FGF14: variants seen among roughly 807,000 people sequenced by gnomAD.
FGF14 encodes the protein fibroblast growth factor 14, also known as fibroblast growth factor homologous factor 4.
Under a neutral mutation model 25.5 loss-of-function variants are expected in FGF14, and 5 were observed. That is an observed-to-expected ratio of 0.20 (90% CI 0.10 to 0.41). The LOEUF is 0.41. Among genes scored for constraint, FGF14 ranks in the 10% least tolerant of loss-of-function variants. The pLI is 1.00. For synonymous variants in FGF14, 138 were observed against 118.3 expected, an observed-to-expected ratio of 1.17 and a Z score of -1.08; for missense variants, 222 against 320.1, an observed-to-expected ratio of 0.69 and a Z score of 2.34.
chr13:102,246,580 T>C (rs1327486126), intron 1 of FGF14, among the ~76,000 whole-genome samples: 1 of 151,932 alleles, frequency 6.6e-6, no homozygotes, highest in African/African-American at 2.4e-5. Context: ...TATATCCAGG[T>C]TTGTTAGGCA....
At chr13:101,767,692 G>A (rs1332984249) in intron 3 of FGF14, among the ~76,000 whole-genome samples, 1 of 152,154 alleles carries the variant, frequency 6.6e-6, no homozygotes, top group Non-Finnish European at 1.5e-5. Context: ...TTTTGGAGTA[G>A]AGGGAGTAGT....
chr13:102,199,353 T>C (rs2049508615), intron 1 of FGF14, among the ~76,000 whole-genome samples: 1 of 152,210 alleles, frequency 6.6e-6, no homozygotes, highest in African/African-American at 2.4e-5. Flanking sequence ...CTAGGATAAC[T>C]AGCTAACATT....
At chr13:102,012,187 T>C (rs1211571481) in intron 1 of FGF14, among the ~76,000 whole-genome samples, 3 of 151,734 alleles carry the variant, frequency 2.0e-5, no homozygotes, top group African/African-American at 2.4e-5. Context: ...CTTGTGGAAA[T>C]GGACAGAAGA....
intron 1 of FGF14, among the ~76,000 whole-genome samples, chr13:102,326,627 G>T (rs535336561): frequency 4.6e-4 from 62 of 135,098 alleles, no homozygotes; most frequent in African/African-American, 1.6e-3. Flanking sequence ...GAGGGAAGGA[G>T]GGAAAGGGAG....
intron 1 of FGF14, among the ~76,000 whole-genome samples, chr13:102,006,537 T>C (rs1290451015): frequency 7.0e-6 from 1 of 142,840 alleles, no homozygotes; most frequent in African/African-American, 3.0e-5. Context: ...CATAGAAGTT[T>C]TGTAGAAACT....
At chr13:102,072,322 T>C (rs947236087) in intron 1 of FGF14, among the ~76,000 whole-genome samples, 1 of 152,148 alleles carries the variant, frequency 6.6e-6, no homozygotes, top group Non-Finnish European at 1.5e-5. Context: ...AGAAGTTATT[T>C]AAAATCAATA....
chr13:102,060,869 T>TA (rs1330196520), intron 1 of FGF14, among the ~76,000 whole-genome samples: 1 of 151,970 alleles, frequency 6.6e-6, no homozygotes, highest in Non-Finnish European at 1.5e-5. Context: ...ATTCTGTGTC[T>TA]AAAAAAACCC....
chr13:102,125,433 G>A (rs1434243364), intron 1 of FGF14, among the ~76,000 whole-genome samples: 1 of 152,072 alleles, frequency 6.6e-6, no homozygotes, highest in Non-Finnish European at 1.5e-5. Flanking sequence ...TAGAATCATA[G>A]AGCCAATTCT....
intron 3 of FGF14, among the ~76,000 whole-genome samples, chr13:101,861,546 C>T (rs1003890620): frequency 2.1e-5 from 3 of 140,328 alleles, no homozygotes; most frequent in African/African-American, 8.6e-5. Context: ...GTTGCAGACA[C>T]TAGTGTCTGC....
intron 1 of FGF14, among the ~76,000 whole-genome samples, chr13:102,158,433 C>T (rs1368899523): frequency 6.6e-6 from 1 of 151,130 alleles, no homozygotes; most frequent in Admixed American, 6.6e-5. Flanking sequence ...AAAAACCAAA[C>T]ACCATATGTT....
intron 3 of FGF14, among the ~76,000 whole-genome samples, chr13:101,747,536 A>G (rs1315636615): frequency 6.6e-6 from 1 of 152,064 alleles, no homozygotes; most frequent in Non-Finnish European, 1.5e-5. Context: ...GGACACTTAC[A>G]TGAGGCTGAT....
intron 1 of FGF14, among the ~76,000 whole-genome samples, chr13:101,951,393 T>C (rs900911340): frequency 6.6e-6 from 1 of 152,104 alleles, no homozygotes; most frequent in African/African-American, 2.4e-5. Context: ...AATAATTTAA[T>C]CCCTTTATTT....
chr13:102,375,657 T>C (rs890638850), intron 1 of FGF14, among the ~76,000 whole-genome samples: 6 of 152,184 alleles, frequency 3.9e-5, no homozygotes, highest in African/African-American at 1.4e-4. Flanking sequence ...GGTTATATCT[T>C]CCAAATTCCA....
chr13:101,776,904 C>A (rs773665627), intron 3 of FGF14, among the ~76,000 whole-genome samples: 4 of 152,294 alleles, frequency 2.6e-5, no homozygotes, highest in East Asian at 1.9e-4. Flanking sequence ...TCAATGCCTT[C>A]TTTTTGTGTC....
intron 1 of FGF14, among the ~76,000 whole-genome samples, chr13:102,001,929 C>T (rs1274089283): frequency 2.0e-5 from 3 of 150,950 alleles, no homozygotes; most frequent in Non-Finnish European, 3.0e-5. Context: ...GGCCAGGTCC[C>T]ACATCTACAC....
intron 1 of FGF14, among the ~76,000 whole-genome samples, chr13:102,118,250 A>G (rs1173704282): frequency 2.6e-5 from 4 of 152,034 alleles, no homozygotes; most frequent in Admixed American, 6.6e-5. Flanking sequence ...CATTGTAGTT[A>G]TATACGTATG....
intron 1 of FGF14, among the ~76,000 whole-genome samples, chr13:101,934,948 A>G (rs139680268): frequency 1.1e-4 from 16 of 152,296 alleles, no homozygotes; most frequent in African/African-American, 3.8e-4. Context: ...TGTATAATAC[A>G]GTGTTGTTAT....
At chr13:102,277,435 G>A (rs893304172) in intron 1 of FGF14, among the ~76,000 whole-genome samples, 8 of 152,212 alleles carry the variant, frequency 5.3e-5, no homozygotes, top group African/African-American at 1.9e-4. Flanking sequence ...GCAGCATGCT[G>A]GCCCCACCGC....
chr13:101,909,231 A>T (rs2032619736), intron 1 of FGF14, among the ~76,000 whole-genome samples: 1 of 152,240 alleles, frequency 6.6e-6, no homozygotes, highest in African/African-American at 2.4e-5. Context: ...AAAAGCCAAA[A>T]TTGACAAATG....
Sources: gnomAD v4.1 joint callset for allele counts (sites outside exome capture counted in the v4.1 genomes callset) on GRCh38, gnomAD v4.1.1 for gene constraint, MANE v1.5 for transcripts, NCBI Gene and HGNC (gene_info 2026-07-23, HGNC 2026-07-21) for gene names.